Variants in LAMP2 observed in about 807,000 individuals in gnomAD.
LAMP2 encodes the protein lysosome associated membrane protein 2.
A neutral mutation model predicts 25.6 loss-of-function variants in LAMP2; 4 were observed. The observed-to-expected ratio is 0.16, with a 90% CI of 0.08 to 0.36. LAMP2 has a LOEUF of 0.36. Among genes scored for constraint, LAMP2 ranks in the 10% least tolerant of loss-of-function variants. LAMP2 has a pLI of 1.00. For synonymous variants in LAMP2, 108 were observed against 112.7 expected, an observed-to-expected ratio of 0.96 and a Z score of 0.27; for missense variants, 272 against 301.4, an observed-to-expected ratio of 0.90 and a Z score of 0.72.
chrX:120,437,659 C>T (rs1185531028), intron 8 of LAMP2: 1 of 749,699 alleles, frequency 1.3e-6, no homozygotes, highest in Non-Finnish European at 1.6e-6. Flanking sequence ...ACACAAAGCA[C>T]GTGAATTAAA....
intron 1 of LAMP2, among the ~76,000 whole-genome samples, chrX:120,465,327 C>T (rs1026229790): frequency 1.9e-5 from 2 of 107,712 alleles, no homozygotes; most frequent in Admixed American, 2.0e-4. Flanking sequence ...AAAAAACAAA[C>T]AAACAAACCA....
intron 1 of LAMP2, among the ~76,000 whole-genome samples, chrX:120,467,809 C>A (rs1921603962): frequency 8.9e-6 from 1 of 112,300 alleles, no homozygotes; most frequent in Non-Finnish European, 1.9e-5. Flanking sequence ...GTCGCCCAGG[C>A]TGGAGTGCAA....
At chrX:120,434,342 C>T (rs973869527) in intron 8 of LAMP2, among the ~76,000 whole-genome samples, 2 of 111,774 alleles carry the variant, frequency 1.8e-5, no homozygotes, top group South Asian at 3.7e-4. Flanking sequence ...AAGGCAATTC[C>T]GCTAATACAA....
At chrX:120,446,643 C>T (rs1390658631) in intron 5 of LAMP2, among the ~76,000 whole-genome samples, 1 of 110,837 alleles carries the variant, frequency 9.0e-6, no homozygotes, top group African/African-American at 3.3e-5. Flanking sequence ...AGGGAAGCTT[C>T]TACAGTAATG....
intron 5 of LAMP2, among the ~76,000 whole-genome samples, chrX:120,446,821 C>T (rs949178582): frequency 1.3e-4 from 14 of 111,309 alleles, no homozygotes; most frequent in African/African-American, 3.9e-4. Context: ...CTACACGATC[C>T]GAGTAATCAA....
chrX:120,442,820 A>G (rs1323747163), intron 6 of LAMP2, among the ~76,000 whole-genome samples, 158 bp from the exon 7 acceptor site: 1 of 112,320 alleles, frequency 8.9e-6, no homozygotes, highest in Non-Finnish European at 1.9e-5. Context: ...GAGAACTCAT[A>G]ATCTGACAGA....
At chrX:120,440,058 A>T (rs1315051801) in intron 8 of LAMP2, among the ~76,000 whole-genome samples, 1 of 112,119 alleles carries the variant, frequency 8.9e-6, no homozygotes, top group African/African-American at 3.2e-5. Flanking sequence ...AGTGTCCATA[A>T]ATAAGGTTTT....
chrX:120,451,307 A>G (rs887489272), intron 3 of LAMP2, among the ~76,000 whole-genome samples: 2 of 112,329 alleles, frequency 1.8e-5, no homozygotes, highest in African/African-American at 3.2e-5. Flanking sequence ...GCCTAAAAAT[A>G]AATTAGTAGT....
intron 1 of LAMP2, among the ~76,000 whole-genome samples, chrX:120,464,820 C>T (rs1012617296): frequency 8.9e-6 from 1 of 111,830 alleles, no homozygotes; most frequent in East Asian, 2.8e-4. Flanking sequence ...GGCATGATCT[C>T]GGCTCACTGC....
At chrX:120,440,320 G>A (rs1490074313) in intron 8 of LAMP2, among the ~76,000 whole-genome samples, 2 of 111,389 alleles carry the variant, frequency 1.8e-5, no homozygotes, top group Non-Finnish European at 3.8e-5. Context: ...AGCCTAAGGG[G>A]GCTATTTTTT....
At chrX:120,440,880 A>C (rs188733953) in intron 8 of LAMP2, among the ~76,000 whole-genome samples, 145 of 112,519 alleles carry the variant, frequency 1.3e-3, no homozygotes, top group African/African-American at 4.4e-3. Flanking sequence ...ACCAAGTCAG[A>C]CTAGGTATTC....
At position 120,456,743 on chromosome X, in the gene LAMP2, G is replaced by A; in HGVS notation, c.91C>T (p.Leu31Phe). ...LGAVRSYALE[L>F]NLTDSENATC... Reference sequence around the variant, plus strand: ...GCATTTTCTGAATCTGTCAAATTAAGTTCCAATGCATAAGACCGCACAGCT... The same window carrying A: ...GCATTTTCTGAATCTGTCAAATTAAATTCCAATGCATAAGACCGCACAGCT... Residue 31 changes from leucine (L) to phenylalanine (F), a missense_variant, in exon 2 of 9, where the codon CTT becomes TTT. Coordinates refer to ENST00000200639, the MANE Select transcript of LAMP2 (RefSeq NM_002294.3). 8.5e-7 allele frequency: 1 copy of A among 1,171,060 alleles called. No homozygotes were observed. Among genetic ancestry groups the A allele is most frequent in the South Asian group, 1.9e-5 (1 of 53,762 alleles).
intron 1 of LAMP2, among the ~76,000 whole-genome samples, chrX:120,467,436 T>C (rs1465857188): frequency 8.9e-6 from 1 of 111,816 alleles, no homozygotes; most frequent in Non-Finnish European, 1.9e-5. Flanking sequence ...TGTTGCCAAA[T>C]GTCCCCTGGT....
chrX:120,463,915 GT>G (rs1221202178), intron 1 of LAMP2, among the ~76,000 whole-genome samples: 4 of 96,724 alleles, frequency 4.1e-5, no homozygotes, highest in African/African-American at 7.9e-5. Flanking sequence ...TCTGTTTTTC[GT>G]TTTTTTTTTG....
At position 120,441,820 on chromosome X, in the gene LAMP2, G is replaced by C. The variant is rs145703593; in HGVS notation, c.1003C>G (p.Gln335Glu). ...AATGCTCCAGACACTGAAACAGTCT[G>C]CTCTTTGTTGCACATATAAGAACTT... Reference protein sequence around the residue: ...LGSSYMCNKEQTVSVSGAFQI... With the variant: ...LGSSYMCNKEETVSVSGAFQI... The change falls in exon 8 of 9, where the codon CAG (glutamine) becomes GAG (glutamate). Residue 335 changes from glutamine (Q) to glutamate (E), a missense_variant. By Grantham distance (29) the Gln-to-Glu change is conservative. Coordinates refer to ENST00000200639, the MANE Select transcript of LAMP2 (RefSeq NM_002294.3). 2 of 1,205,630 alleles carry C rather than the reference G, an allele frequency of 1.7e-6. No homozygotes were observed. The highest frequency in any genetic ancestry group is 3.5e-5 in the African/African-American group (2 of 57,707).
At chrX:120,448,286 T>C (rs1263756158) in intron 4 of LAMP2, among the ~76,000 whole-genome samples, 1 of 112,324 alleles carries the variant, frequency 8.9e-6, no homozygotes, top group Non-Finnish European at 1.9e-5. Flanking sequence ...CATGGCCACA[T>C]ACTCGTCTTT....
At position 120,469,264 on chromosome X, in the gene LAMP2, A is replaced by G. The variant is rs1921675664; in HGVS notation, c.-95T>C. 4.6e-6 allele frequency: 4 copies of G among 862,706 alleles called. No homozygotes were observed. Among genetic ancestry groups the G allele is most frequent in the Non-Finnish European group, 6.8e-6 (4 of 588,780 alleles). 71.1% of individuals were successfully genotyped at this position (862,706 alleles called of 1,213,427 possible). On this transcript the variant is annotated 5_prime_UTR_variant, in exon 1 of 9. Transcript: ENST00000200639. ...GGCTCGCTGGACCTGGGTCAAGAGC[A>G]CTGATGACCACCGACCACAGCCTTG... is the stretch of plus-strand genomic sequence containing the variant.
chrX:120,456,034 C>G (rs748403689), intron 2 of LAMP2, among the ~76,000 whole-genome samples: 1 of 78,065 alleles, frequency 1.3e-5, no homozygotes, highest in Admixed American at 1.3e-4. Flanking sequence ...CCTAAGTAAG[C>G]GATTTTTTTT....
At chrX:120,451,527 T>C (rs2058621363) in intron 3 of LAMP2, among the ~76,000 whole-genome samples, 2 of 111,054 alleles carry the variant, frequency 1.8e-5, no homozygotes, top group African/African-American at 6.6e-5. Flanking sequence ...TGCAGTGGCG[T>C]AATCTTGGCT....
Sources: gnomAD v4.1 joint callset for allele counts (sites outside exome capture counted in the v4.1 genomes callset) on GRCh38, gnomAD v4.1.1 for gene constraint, MANE v1.5 for transcripts, NCBI Gene and HGNC (gene_info 2026-07-23, HGNC 2026-07-21) for gene names.